The following DPP6 variants were observed in gnomAD, a reference collection of about 807,000 sequenced individuals.
The protein encoded by DPP6 is dipeptidyl peptidase like 6.
Under a neutral mutation model 122.6 loss-of-function variants are expected in DPP6, and 69 were observed. The ratio of observed to expected loss-of-function variants is 0.56; its 90% confidence interval spans 0.46 to 0.69. The LOEUF (loss-of-function observed/expected upper bound fraction) is 0.69, where lower values mean the gene tolerates loss of function less well. Ranked by LOEUF, DPP6 falls within the 30% of genes least tolerant of loss-of-function variation. DPP6 has a pLI of 0.00. For synonymous variants in DPP6, 418 were observed against 433.1 expected, an observed-to-expected ratio of 0.97 and a Z score of 0.43; for missense variants, 928 against 1,116.9, an observed-to-expected ratio of 0.83 and a Z score of 2.41.
At chr7:153,807,568 T>A in the DPP6 span, among the ~76,000 whole-genome samples, 1 of 151,954 alleles carries the variant, frequency 6.6e-6, no homozygotes, top group Non-Finnish European at 1.5e-5. Context: ...CTTGCTTCCT[T>A]GGAGATGTGC....
chr7:154,397,888 T>C (rs1815226463), intron 1 of DPP6, among the ~76,000 whole-genome samples: 1 of 152,206 alleles, frequency 6.6e-6, no homozygotes, highest in Non-Finnish European at 1.5e-5. Context: ...CCCTTCTAGA[T>C]CTCCAAATCT....
intron 1 of DPP6, among the ~76,000 whole-genome samples, chr7:154,385,611 T>C (rs1250974881): frequency 2.6e-5 from 4 of 152,144 alleles, no homozygotes; most frequent in Admixed American, 1.3e-4. Flanking sequence ...TGTCATGAGG[T>C]TCAGCTGCAA....
At chr7:153,825,649 T>G in the DPP6 span, among the ~76,000 whole-genome samples, 1 of 152,306 alleles carries the variant, frequency 6.6e-6, no homozygotes, top group African/African-American at 2.4e-5. Context: ...AACCTCTGCC[T>G]CCTGGGTTCA....
intron 5 of DPP6, among the ~76,000 whole-genome samples, chr7:154,613,619 CAAAAAAAAAAAAAAAAAAAAAA>C (rs749561005): frequency 1.5e-4 from 8 of 51,850 alleles, no homozygotes; most frequent in Non-Finnish European, 2.2e-4. Context: ...GACTCTGTCT[CAAAAAAAAAAAAAAAAAAAAAA>C]AAAAAAAAAA....
At chr7:153,901,033 G>A (rs1781769365) in intron 1 of DPP6, among the ~76,000 whole-genome samples, 1 of 152,124 alleles carries the variant, frequency 6.6e-6, no homozygotes, top group African/African-American at 2.4e-5. Context: ...ATTACTTACA[G>A]TGGTTCATTT....
chr7:154,236,000 G>A (rs1801190306), intron 1 of DPP6, among the ~76,000 whole-genome samples: 1 of 152,026 alleles, frequency 6.6e-6, no homozygotes, highest in Non-Finnish European at 1.5e-5. Context: ...TTATGTGCGT[G>A]CGCCACTACT....
intron 3 of DPP6, among the ~76,000 whole-genome samples, chr7:154,525,470 A>C (rs946754122): frequency 1.3e-5 from 2 of 152,234 alleles, no homozygotes; most frequent in African/African-American, 2.4e-5. Context: ...AATGTCCATG[A>C]TTAAAAATGT....
chr7:154,874,278 C>T (rs1220418204), intron 19 of DPP6, among the ~76,000 whole-genome samples: 3 of 152,152 alleles, frequency 2.0e-5, no homozygotes, highest in Non-Finnish European at 4.4e-5. Flanking sequence ...AAAGGAAATC[C>T]CCAAAAGCAT....
intron 3 of DPP6, among the ~76,000 whole-genome samples, chr7:154,527,637 C>T (rs1443660650): frequency 1.3e-5 from 2 of 152,082 alleles, no homozygotes; most frequent in Non-Finnish European, 2.9e-5. Flanking sequence ...ATTGTGTATA[C>T]TCTTTGTTTC....
At chr7:154,610,684 A>G (rs1212357780) in intron 5 of DPP6, among the ~76,000 whole-genome samples, 1 of 141,608 alleles carries the variant, frequency 7.1e-6, no homozygotes, top group Admixed American at 7.0e-5. Context: ...TTTTTTTTTT[A>G]TTATTTGTGT....
intron 1 of DPP6, among the ~76,000 whole-genome samples, chr7:153,986,518 C>T (rs1796858019): frequency 6.6e-6 from 1 of 152,118 alleles, no homozygotes; most frequent in Non-Finnish European, 1.5e-5. Context: ...ATCTCCTTGC[C>T]TCAGTCCAAA....
intron 1 of DPP6, among the ~76,000 whole-genome samples, chr7:154,254,386 A>C (rs1027371381): frequency 3.9e-5 from 6 of 152,188 alleles, no homozygotes; most frequent in Non-Finnish European, 8.8e-5. Flanking sequence ...AGGTAGGCTT[A>C]CTTTGTTTAT....
At chr7:154,785,830 CTT>C (rs1257208341) in intron 10 of DPP6, among the ~76,000 whole-genome samples, 4 of 152,130 alleles carry the variant, frequency 2.6e-5, no homozygotes, top group African/African-American at 7.2e-5. Context: ...GATTGCAATT[CTT>C]TTTGTTTCAC....
At chr7:154,183,084 A>G (rs1314481828) in intron 1 of DPP6, among the ~76,000 whole-genome samples, 2 of 152,092 alleles carry the variant, frequency 1.3e-5, no homozygotes, top group African/African-American at 2.4e-5. Context: ...GATTCTTCAT[A>G]GCTGTGTTAA....
chr7:154,825,911 A>G lies in DPP6; in HGVS notation c.1666+18799A>G, dbSNP rs551889499. Among the ~76,000 whole-genome samples the G allele has an allele frequency of 5.3e-5, 8 of 152,366 alleles. No homozygotes were observed. In the East Asian group the frequency reaches 1.5e-3, roughly 29 times the overall value. ...TTGGTTTCATGAGCACCAGTTTTAT[A>G]GCTTCTCAAACCAGGGCTAGCTCAC... On this transcript the variant is annotated intron_variant, in intron 16 of 25. Transcript: ENST00000377770.
chr7:153,934,695 G>T (rs1032854665), intron 1 of DPP6, among the ~76,000 whole-genome samples: 2 of 152,212 alleles, frequency 1.3e-5, no homozygotes, highest in African/African-American at 4.8e-5. Context: ...TCATCTGGAA[G>T]AGGAGAGTTT....
intron 1 of DPP6, among the ~76,000 whole-genome samples, chr7:154,098,195 C>T (rs183582997): frequency 5.9e-5 from 9 of 152,112 alleles, no homozygotes; most frequent in African/African-American, 9.7e-5. Context: ...TGAGTTCTCA[C>T]GAGATCTGAT....
rs537054759 is a variant in DPP6, at chr7:154,166,713, C to A, written c.243+113650C>A. On this transcript the variant is annotated intron_variant, in intron 1 of 25. Coordinates refer to ENST00000377770, the MANE Select transcript of DPP6 (RefSeq NM_130797.4). ...ATCACCTGAGGTCAGGAGTTCAAGA[C>A]CAGCCTGGCCAACATGGCGAAACCC... Among the ~76,000 whole-genome samples the A allele has an allele frequency of 4.6e-4, 67 of 144,140 alleles. 3 individuals carry two copies. Among genetic ancestry groups the A allele is most frequent in the African/African-American group, 1.9e-3 (66 of 34,742 alleles). The allele number at this position is 144,140 out of a possible 152,430, so 94.6% of individuals were successfully genotyped here.
chr7:154,297,069 T>TTG (rs1554511166), intron 1 of DPP6, among the ~76,000 whole-genome samples: 1 of 138,126 alleles, frequency 7.2e-6, no homozygotes, highest in Non-Finnish European at 1.5e-5. Flanking sequence ...TTCTGTTTTT[T>TTG]TTTTTTTGTT....
Sources: allele counts gnomAD v4.1 joint callset (sites outside exome capture counted in the v4.1 genomes callset), GRCh38; gene constraint gnomAD v4.1.1; transcripts MANE v1.5; gene names NCBI Gene and HGNC (gene_info 2026-07-23, HGNC 2026-07-21).